Variants in CD200R1 observed in about 807,000 individuals in gnomAD.
CD200R1 encodes CD200 receptor 1, also known as cell surface glycoprotein CD200 receptor 1.
Under a neutral mutation model 38.1 loss-of-function variants are expected in CD200R1, and 30 were observed. That is an observed-to-expected ratio of 0.79 (90% CI 0.59 to 1.07). CD200R1 has a LOEUF of 1.07. Ranked by LOEUF, CD200R1 falls within the 50% of genes least tolerant of loss-of-function variation. The pLI is 0.00. For missense variants in CD200R1, 372 were observed against 415.4 expected (o/e 0.90, Z 0.91); for synonymous variants, 128 against 152.1 (o/e 0.84, Z 1.16).
chr3:112,971,834 C>T (rs1933318163), intron 1 of CD200R1, among the ~76,000 whole-genome samples: 1 of 152,156 alleles, frequency 6.6e-6, no homozygotes, highest in Non-Finnish European at 1.5e-5. Flanking sequence ...TGCATTTGCA[C>T]ATGCTACACA....
intron 1 of CD200R1, among the ~76,000 whole-genome samples, chr3:112,953,580 C>T (rs116775408): frequency 0.018 from 2,700 of 152,310 alleles, 29 homozygotes; most frequent in South Asian, 0.047. Flanking sequence ...AGCTGCTGGA[C>T]TTCTCTGATG....
At chr3:112,947,805 T>C in intron 2 of CD200R1, 51 bp downstream of exon 2, 2 of 1,155,954 alleles carry the variant, frequency 1.7e-6, no homozygotes, top group Non-Finnish European at 2.6e-6. Flanking sequence ...AAAACCTATA[T>C]GGACATCAAG....
In CD200R1 at chr3:112,931,172, C is replaced by A; in HGVS notation, c.137-1G>T. 6.3e-7 allele frequency: 1 copy of A among 1,579,956 alleles called. No individual in the cohort carries two copies. Among genetic ancestry groups the A allele is most frequent in the Non-Finnish European group, 8.7e-7 (1 of 1,149,124 alleles). ...TCATCCATACATAAACTGCTTGAAG[C>A]TAGAAAATATTTAGAGAAGAATAAA... On this transcript the variant is annotated splice_acceptor_variant, in intron 2 of 7. Coordinates refer to ENST00000308611, the MANE Select transcript of CD200R1 (RefSeq NM_138806.4). LOFTEE classifies it high-confidence loss of function.
intron 2 of CD200R1, among the ~76,000 whole-genome samples, chr3:112,944,038 G>A (rs1020229130): frequency 2.0e-5 from 3 of 151,816 alleles, no homozygotes; most frequent in African/African-American, 7.2e-5. Flanking sequence ...GCCTAGATGG[G>A]TTCACTGATA....
chr3:112,963,110 C>A (rs1039982527), intron 1 of CD200R1, among the ~76,000 whole-genome samples: 3 of 152,224 alleles, frequency 2.0e-5, no homozygotes, highest in Non-Finnish European at 2.9e-5. Context: ...TCACCTTCCA[C>A]CATTATTGTG....
At position 112,930,357 on chromosome 3, in the gene CD200R1, A is replaced by T. The variant is rs187084791; in HGVS notation, c.202+749T>A. On this transcript the variant is annotated intron_variant, in intron 3 of 7. Coordinates refer to ENST00000308611, the MANE Select transcript of CD200R1 (RefSeq NM_138806.4). ...AGTTTTCATTCCTTCCTATTTAGTC[A>T]CACATACACTTTCAGATAGTTCAGC... Among the ~76,000 whole-genome samples, 34 of 152,272 alleles carry T rather than the reference A, an allele frequency of 2.2e-4. No individual in the cohort carries two copies. The South Asian group carries it at 5.8e-3, about 26-fold the overall frequency.
Position 112,924,477 on chromosome 3 carries a change from T to G in CD200R1, c.924+13A>C, listed in dbSNP as rs770010587. 7.5e-7 allele frequency: 1 copy of G among 1,325,126 alleles called. No homozygotes were observed. The highest frequency in any genetic ancestry group is 2.8e-5 in the East Asian group (1 of 36,230). The allele number at this position is 1,325,126 out of a possible 1,614,324, so 82.1% of individuals were successfully genotyped here. ...GCTTAAGTTTGCAATTAGTCTTTTT[T>G]ATCTTATCTTACCTCCTCAACAACT... On this transcript the variant is annotated intron_variant, in intron 7 of 7. Transcript: ENST00000308611.
chr3:112,923,851 A>G, intron 7 of CD200R1, 52 bp from the exon 8 acceptor site: 1 of 1,191,538 alleles, frequency 8.4e-7, no homozygotes, highest in Non-Finnish European at 1.2e-6. Context: ...CATAGAGACT[A>G]TCTGTATTTT....
At chr3:112,974,402 C>T (rs931750785) in intron 1 of CD200R1, among the ~76,000 whole-genome samples, 2 of 152,100 alleles carry the variant, frequency 1.3e-5, no homozygotes, top group African/African-American at 2.4e-5. Flanking sequence ...CACCACTGCA[C>T]TCCAGCCTGG....
At chr3:112,946,828 G>A (rs770343912) in intron 2 of CD200R1, among the ~76,000 whole-genome samples, 30 of 152,056 alleles carry the variant, frequency 2.0e-4, no homozygotes, top group Non-Finnish European at 4.0e-4. Flanking sequence ...ACAAAAACCC[G>A]TGCATGGGTG....
intron 7 of CD200R1, 74 bp from the exon 8 acceptor site, chr3:112,923,873 C>T (rs1305238527): frequency 2.0e-5 from 18 of 918,248 alleles, no homozygotes; most frequent in Non-Finnish European, 9.9e-6. Context: ...GTAACAGTTG[C>T]CCATAGCTTT....
intron 2 of CD200R1, among the ~76,000 whole-genome samples, chr3:112,945,261 T>A (rs1362258866): frequency 6.6e-6 from 1 of 152,172 alleles, no homozygotes; most frequent in Non-Finnish European, 1.5e-5. Flanking sequence ...CTCAGAATAG[T>A]CAACACATTA....
In CD200R1 at chr3:112,928,089, T is replaced by A. The variant is rs377748734; in HGVS notation, c.769+727A>T. 6.9e-4 allele frequency among the ~76,000 whole-genome samples: 105 copies of A among 152,304 alleles called. 1 individual carries two copies. The South Asian group carries it at 0.02, about 29-fold the overall frequency. Reference sequence around the variant, plus strand: ...CATAAGAAGTTGTGATTACATAATGTCTAAATTTGATACAGTAAGAAATAG... The same window carrying A: ...CATAAGAAGTTGTGATTACATAATGACTAAATTTGATACAGTAAGAAATAG... On this transcript the variant is annotated intron_variant, in intron 5 of 7. Transcript: ENST00000308611.
intron 1 of CD200R1, among the ~76,000 whole-genome samples, chr3:112,968,941 G>T (rs907458610): frequency 3.9e-5 from 6 of 152,108 alleles, no homozygotes; most frequent in Non-Finnish European, 8.8e-5. Context: ...AAAGAACCAA[G>T]AAAATGTGGC....
At chr3:112,932,166 G>C (rs1940458642) in intron 2 of CD200R1, among the ~76,000 whole-genome samples, 1 of 152,032 alleles carries the variant, frequency 6.6e-6, no homozygotes, top group African/African-American at 2.4e-5. Flanking sequence ...CTGCAGCAAG[G>C]GGCCACCATG....
intron 2 of CD200R1, among the ~76,000 whole-genome samples, chr3:112,937,094 T>C (rs905020730): frequency 1.3e-5 from 2 of 152,316 alleles, no homozygotes; most frequent in Admixed American, 6.5e-5. Context: ...TAGTTCAGCA[T>C]GGCTTGGGAG....
chr3:112,955,535 G>A (rs1455021909), intron 1 of CD200R1, among the ~76,000 whole-genome samples: 2 of 146,742 alleles, frequency 1.4e-5, no homozygotes, highest in African/African-American at 5.0e-5. Flanking sequence ...TTGAGACGGA[G>A]TTTCGCTCTG....
chr3:112,965,759 C>G (rs995931215), intron 1 of CD200R1, among the ~76,000 whole-genome samples: 1 of 148,912 alleles, frequency 6.7e-6, no homozygotes, highest in Non-Finnish European at 1.5e-5. Flanking sequence ...GACTCCATCT[C>G]AAAAGAAAAA....
intron 3 of CD200R1, among the ~76,000 whole-genome samples, chr3:112,929,965 T>C (rs895908688): frequency 6.6e-6 from 1 of 152,142 alleles, no homozygotes; most frequent in African/African-American, 2.4e-5. Context: ...TCTAAGGTTT[T>C]TGTTTCAGAC....
Sources: gnomAD v4.1 joint callset for allele counts (sites outside exome capture counted in the v4.1 genomes callset) on GRCh38, gnomAD v4.1.1 for gene constraint, MANE v1.5 for transcripts, NCBI Gene and HGNC (gene_info 2026-07-23, HGNC 2026-07-21) for gene names.